Variants in PPARA observed in about 807,000 individuals in gnomAD.
PPARA encodes the protein peroxisome proliferator activated receptor alpha, also known as peroxisome proliferator-activated receptor alpha.
PPARA carries 22 observed loss-of-function variants against 42.2 expected under a neutral mutation model. The ratio of observed to expected loss-of-function variants is 0.52; its 90% CI spans 0.37 to 0.74. PPARA has a LOEUF of 0.74. Ranked by LOEUF, PPARA falls within the 30% of genes least tolerant of loss-of-function variation. The pLI, the probability that PPARA is intolerant of heterozygous loss-of-function variation, is 0.00. For missense variants in PPARA, 465 were observed against 608.2 expected (o/e 0.76, Z 2.48); for synonymous variants, 242 against 239.3 (o/e 1.01, Z -0.10).
Position 46,238,608 on chromosome 22 carries a change from C to T in PPARA, c.*3228C>T, listed in dbSNP as rs1043635540. 4 of 152,358 alleles carry T rather than the reference C, an allele frequency of 2.6e-5. No individual in the cohort carries two copies. The South Asian group carries it at 6.2e-4, about 24-fold the overall frequency. 9.4% of individuals were successfully genotyped at this position (152,358 alleles called of 1,614,324 possible). A position where few individuals can be genotyped will look rare whatever the true frequency, so the allele number is the denominator to read the frequency against. ...GCCAAAGTCCTCAGAGACCTAACAG[C>T]CTTGGTCTACCGTGCTGACCAGGGT... On this transcript the variant is annotated 3_prime_UTR_variant, in exon 9 of 9. Coordinates refer to ENST00000407236, the MANE Select transcript of PPARA (RefSeq NM_005036.6). This position sits in a 1 kb window ranked among gnomAD's most constrained non-coding sequence, Gnocchi z 8.3.
At position 46,196,818 on chromosome 22, in the gene PPARA, G is replaced by A. The variant is rs1031368957; in HGVS notation, c.-42-1524G>A. On this transcript the variant is annotated intron_variant, in intron 3 of 8. Transcript: ENST00000407236. This position sits in a 1 kb window ranked among gnomAD's most constrained non-coding sequence, Gnocchi z 5.6. ...GCTCACCGCAACCTCCGCCTCCCATGTTCAAGCGGTTCTCCTGCCTCAACC... is the reference window on the plus strand; with the variant it reads ...GCTCACCGCAACCTCCGCCTCCCATATTCAAGCGGTTCTCCTGCCTCAACC... Among the ~76,000 whole-genome samples the A allele has an allele frequency of 3.9e-5, 6 of 152,202 alleles. No individual in the cohort carries two copies. The highest frequency in any genetic ancestry group is 7.3e-5 in the Non-Finnish European group (5 of 68,044).
rs952342170 is a variant in PPARA, at chr22:46,191,815, C to A, written c.-42-6527C>A. 2.0e-5 allele frequency among the ~76,000 whole-genome samples: 3 copies of A among 152,160 alleles called. No homozygotes were observed. The highest frequency in any genetic ancestry group is 2.9e-5 in the Non-Finnish European group (2 of 68,030). ...AGGCGCGGTGGCTCATGCCTGTAAT[C>A]CCAGCACTTTGGGAGGCTGAGGCGG... On this transcript the variant is annotated intron_variant, in intron 3 of 8. Coordinates refer to ENST00000407236, the MANE Select transcript of PPARA (RefSeq NM_005036.6). This position sits in a 1 kb window ranked among gnomAD's most constrained non-coding sequence, Gnocchi z 4.6.
intron 2 of PPARA, among the ~76,000 whole-genome samples, chr22:46,158,394 G>A (rs1925647110): frequency 6.6e-6 from 1 of 152,128 alleles, no homozygotes; most frequent in Non-Finnish European, 1.5e-5. Flanking sequence ...AAAAAAGAGT[G>A]AGGCCCCAAG....
At chr22:46,228,979 C>T (rs935391007) in intron 7 of PPARA, among the ~76,000 whole-genome samples, 4 of 151,360 alleles carry the variant, frequency 2.6e-5, no homozygotes, top group East Asian at 2.0e-4. Flanking sequence ...TGGTGGCGGG[C>T]GCCTGTAGTC....
In PPARA at chr22:46,240,391, T is replaced by A; in HGVS notation, c.*5011T>A. On this transcript the variant is annotated 3_prime_UTR_variant, in exon 9 of 9. Coordinates refer to ENST00000407236, the MANE Select transcript of PPARA (RefSeq NM_005036.6). The surrounding 1 kb of genome is among the most constrained non-coding windows in gnomAD (Gnocchi z 6.0). ...AGCCTCCCTGTTGTTTCTAGACTCT[T>A]GCACCTGGTGAGTGCAAGGATAGGT... 2.5e-6 allele frequency: 1 copy of A among 396,504 alleles called. No homozygotes were observed. The allele number at this position is 396,504 out of a possible 1,614,324, so 24.6% of individuals were successfully genotyped here.
In PPARA at chr22:46,231,484, G is replaced by A. The variant is rs1434860213; in HGVS notation, c.712-308G>A. Among the ~76,000 whole-genome samples, 1 of 152,176 alleles carries A rather than the reference G, an allele frequency of 6.6e-6. No individual in the cohort carries two copies. The highest frequency in any genetic ancestry group is 2.4e-5 in the African/African-American group (1 of 41,460). ...AAACCACCCACCTCAGCCTCCCAAAGTTCTGGGATTACAGGCGTGAGCCAC... is the reference window on the plus strand; with the variant it reads ...AAACCACCCACCTCAGCCTCCCAAAATTCTGGGATTACAGGCGTGAGCCAC... On this transcript the variant is annotated intron_variant, in intron 7 of 8. Transcript: ENST00000407236. The surrounding 1 kb of genome is among the most constrained non-coding windows in gnomAD (Gnocchi z 7.7).
Position 46,219,744 on chromosome 22 carries a change from T to G in PPARA, c.509-68T>G. ...TGGTTTAAAGTCCTGGGGGAGCCCCTCGTCCAGCCCTGTCCGCGCAGTCAT... is the reference window on the plus strand; with the variant it reads ...TGGTTTAAAGTCCTGGGGGAGCCCCGCGTCCAGCCCTGTCCGCGCAGTCAT... On this transcript the variant is annotated intron_variant, in intron 6 of 8. Coordinates refer to ENST00000407236, the MANE Select transcript of PPARA (RefSeq NM_005036.6). This position sits in a 1 kb window ranked among gnomAD's most constrained non-coding sequence, Gnocchi z 4.8. 1 of 1,514,856 alleles carries G rather than the reference T, an allele frequency of 6.6e-7. No homozygotes were observed. Among genetic ancestry groups the G allele is most frequent in the South Asian group, 1.1e-5 (1 of 88,144 alleles). 93.8% of individuals were successfully genotyped at this position (1,514,856 alleles called of 1,614,324 possible). A position where few individuals can be genotyped will look rare whatever the true frequency, so the allele number is the denominator to read the frequency against.
chr22:46,206,696 C>T (rs534680201), intron 4 of PPARA, among the ~76,000 whole-genome samples: 25 of 152,230 alleles, frequency 1.6e-4, no homozygotes, highest in African/African-American at 5.5e-4. Flanking sequence ...TTTACATAGA[C>T]AGCCGGTTAT....
rs559539167 is a variant in PPARA, at chr22:46,167,840, C to T, written c.-126-8913C>T. Among the ~76,000 whole-genome samples, 1 of 151,098 alleles carries T rather than the reference C, an allele frequency of 6.6e-6. No homozygotes were observed. The highest frequency in any genetic ancestry group is 2.1e-4 in the South Asian group (1 of 4,784). On this transcript the variant is annotated intron_variant, in intron 2 of 8. Transcript: ENST00000407236. This position sits in a 1 kb window ranked among gnomAD's most constrained non-coding sequence, Gnocchi z 4.1. ...AGAGGATAGCTTGAGGCCAGGAGTC[C>T]GAGAGCAGCCTGGGCAACATAACAA...
At chr22:46,202,183 G>T (rs892667951) in intron 4 of PPARA, among the ~76,000 whole-genome samples, 1 of 152,136 alleles carries the variant, frequency 6.6e-6, no homozygotes, top group African/African-American at 2.4e-5. Flanking sequence ...TTAAACACAG[G>T]ACCCCTTATT....
In PPARA at chr22:46,198,387, G is replaced by A. The variant is rs1018083118; in HGVS notation, c.4G>A (p.Val2Met). The A allele has an allele frequency of 3.1e-6, 5 of 1,613,698 alleles. No individual in the cohort carries two copies. In the Admixed American group the frequency reaches 5.0e-5, roughly 16 times the overall value. Residue 2 changes from valine (V) to methionine (M), a missense_variant, in exon 4 of 9, where the codon GTG becomes ATG. Physicochemically the swap from Val to Met is conservative, Grantham distance 21. Around this residue, in one of 2 missense-constraint regions of PPARA, gnomAD observed 152 missense variants for 139.1 expected, o/e 1.09. Transcript: ENST00000407236. ...CAACCAGCACCATCTGGTCGCGATG[G>A]TGGACACGGAAAGCCCACTCTGCCC... M[V>M]DTESPLCPLS...
chr22:46,212,167 C>T lies in PPARA; in HGVS notation c.209-3006C>T, dbSNP rs1933999829. Among the ~76,000 whole-genome samples, 1 of 152,084 alleles carries T rather than the reference C, an allele frequency of 6.6e-6. No homozygotes were observed. Among genetic ancestry groups the T allele is most frequent in the Admixed American group, 6.6e-5 (1 of 15,260 alleles). ...GCCTCCCAGGGCTCAGGTGATCCTC[C>T]CACCTCAGCCTCCCAAGTAGCTGGG... On this transcript the variant is annotated intron_variant, in intron 4 of 8. Transcript: ENST00000407236. This position sits in a 1 kb window ranked among gnomAD's most constrained non-coding sequence, Gnocchi z 4.2.
intron 2 of PPARA, chr22:46,175,998 G>A (rs1928987229): frequency 6.6e-6 from 1 of 152,178 alleles, no homozygotes; most frequent in South Asian, 2.1e-4. Flanking sequence ...GTTCTAGCCA[G>A]GCACGGTGGC....
At chr22:46,186,071 C>G (rs1366725047) in intron 3 of PPARA, among the ~76,000 whole-genome samples, 2 of 148,692 alleles carry the variant, frequency 1.3e-5, no homozygotes, top group Non-Finnish European at 3.0e-5. Flanking sequence ...CTGAGTTGGC[C>G]CCTAAAAGTT....
intron 2 of PPARA, among the ~76,000 whole-genome samples, chr22:46,172,690 C>A (rs1441401326): frequency 6.6e-6 from 1 of 152,170 alleles, no homozygotes; most frequent in East Asian, 1.9e-4. Flanking sequence ...TAAGCCGTAA[C>A]TTTGTGCGGA....
intron 2 of PPARA, among the ~76,000 whole-genome samples, chr22:46,170,364 T>G (rs1927807485): frequency 6.7e-6 from 1 of 150,002 alleles, no homozygotes; most frequent in African/African-American, 2.5e-5. Flanking sequence ...GCCTCCTAAG[T>G]AGCTGGGACC....
Position 46,219,733 on chromosome 22 carries a change from G to C in PPARA, c.509-79G>C. 7.1e-7 allele frequency: 1 copy of C among 1,408,590 alleles called. No individual in the cohort carries two copies. The highest frequency in any genetic ancestry group is 1.2e-5 in the South Asian group (1 of 85,624). 87.3% of individuals were successfully genotyped at this position (1,408,590 alleles called of 1,614,324 possible). A position where few individuals can be genotyped will look rare whatever the true frequency, so the allele number is the denominator to read the frequency against. On this transcript the variant is annotated intron_variant, in intron 6 of 8. Transcript: ENST00000407236. The surrounding 1 kb of genome is among the most constrained non-coding windows in gnomAD (Gnocchi z 4.8). The stretch of plus-strand genomic sequence containing the variant: ...ATTTTCATTCCTGGTTTAAAGTCCT[G>C]GGGGAGCCCCTCGTCCAGCCCTGTC...
chr22:46,174,007 C>CCTGGGCAACATGGTGAAACCCCG, intron 2 of PPARA, among the ~76,000 whole-genome samples: 1 of 148,190 alleles, frequency 6.7e-6, no homozygotes, highest in East Asian at 2.0e-4. Context: ...GATCGAGACC[C>CCTGGGCAACATGGTGAAACCCCG]TCTCTACTAA....
chr22:46,234,627 C>T lies in PPARA; in HGVS notation c.1160-506C>T, dbSNP rs932793348. ...AAGCGATTCTCCCACCTCAGCCTCC[C>T]GAGTATCTGGGATTACAGGCGTGAG... On this transcript the variant is annotated intron_variant, in intron 8 of 8. Coordinates refer to ENST00000407236, the MANE Select transcript of PPARA (RefSeq NM_005036.6). This position sits in a 1 kb window ranked among gnomAD's most constrained non-coding sequence, Gnocchi z 5.8. Among the ~76,000 whole-genome samples, 3 of 152,158 alleles carry T rather than the reference C, an allele frequency of 2.0e-5. No homozygotes were observed. The highest frequency in any genetic ancestry group is 2.1e-4 in the South Asian group (1 of 4,834).
Sources: gnomAD v4.1 joint callset for allele counts (sites outside exome capture counted in the v4.1 genomes callset) on GRCh38, gnomAD v4.1.1 for gene constraint, gnomAD v4.1.1 regional missense constraint, Gnocchi (gnomAD v3.1) non-coding constraint, MANE v1.5 for transcripts, NCBI Gene and HGNC (gene_info 2026-07-23, HGNC 2026-07-21) for gene names.